The following DCBLD2 variants were observed in gnomAD, a reference collection of about 807,000 sequenced individuals.
The protein encoded by DCBLD2 is discoidin, CUB and LCCL domain-containing protein 2.
DCBLD2 carries 54 observed loss-of-function variants against 86.8 expected under a neutral mutation model. The ratio of observed to expected loss-of-function variants is 0.62; its 90% confidence interval spans 0.50 to 0.78. The LOEUF is 0.78. Ranked by LOEUF, DCBLD2 falls within the 30% of genes least tolerant of loss-of-function variation. The pLI, the probability that DCBLD2 is intolerant of heterozygous loss-of-function variation, is 0.00. For synonymous variants in DCBLD2, 354 were observed against 341.3 expected (o/e 1.04, Z -0.41); for missense variants, 908 against 954.2 (o/e 0.95, Z 0.64).
chr3:98,807,215 A>T (rs923046062), intron 13 of DCBLD2, among the ~76,000 whole-genome samples: 2 of 152,172 alleles, frequency 1.3e-5, no homozygotes, highest in Non-Finnish European at 2.9e-5. Flanking sequence ...CCTACATTCC[A>T]TATCTCTGTG....
chr3:98,817,911 G>A lies in DCBLD2; in HGVS notation c.1088-18C>T. 3.1e-6 allele frequency: 5 copies of A among 1,610,918 alleles called. No homozygotes were observed. The highest frequency in any genetic ancestry group is 4.2e-6 in the Non-Finnish European group (5 of 1,178,126). Reference sequence around the variant, plus strand: ...TATAATGCCTGGGGAATGAAGAGTTGCTTTCATTAATGCACATGGTCTGAT... The same window carrying A: ...TATAATGCCTGGGGAATGAAGAGTTACTTTCATTAATGCACATGGTCTGAT... On this transcript the variant is annotated intron_variant, in intron 8 of 15. Transcript: ENST00000326840.
intron 13 of DCBLD2, 150 bp from the exon 14 acceptor site, chr3:98,801,799 T>C: frequency 1.8e-6 from 1 of 546,048 alleles, no homozygotes; most frequent in South Asian, 2.8e-5. Flanking sequence ...AGTGAGAACA[T>C]GCGGTGTTTG....
chr3:98,855,492 CAT>C (rs1441824466), intron 2 of DCBLD2, among the ~76,000 whole-genome samples: 1 of 152,140 alleles, frequency 6.6e-6, no homozygotes, highest in Non-Finnish European at 1.5e-5. Flanking sequence ...ACATCTTCAA[CAT>C]AAAAAAGTGT....
Position 98,797,965 on chromosome 3 carries a change from T to G in DCBLD2, c.*1407A>C, listed in dbSNP as rs1941644380. 6.6e-6 allele frequency: 1 copy of G among 152,236 alleles called. No homozygotes were observed. Among genetic ancestry groups the G allele is most frequent in the African/African-American group, 2.4e-5 (1 of 41,468 alleles). 9.4% of individuals were successfully genotyped at this position (152,236 alleles called of 1,614,324 possible). ...TTTATCATATGGTGAGCTGCTCATGTCGTCTTGACAGTCTGAAGGCTTTAA... is the reference window on the plus strand; with the variant it reads ...TTTATCATATGGTGAGCTGCTCATGGCGTCTTGACAGTCTGAAGGCTTTAA... On this transcript the variant is annotated 3_prime_UTR_variant, in exon 16 of 16. Transcript: ENST00000326840.
intron 14 of DCBLD2, among the ~76,000 whole-genome samples, chr3:98,801,136 C>G (rs1941710667): frequency 6.6e-6 from 1 of 152,124 alleles, no homozygotes; most frequent in Non-Finnish European, 1.5e-5. Context: ...GTAGGGGGGC[C>G]CCTTTGGTGT....
intron 3 of DCBLD2, among the ~76,000 whole-genome samples, chr3:98,828,303 A>G (rs1307536607): frequency 2.0e-5 from 3 of 152,230 alleles, no homozygotes; most frequent in East Asian, 1.9e-4. Context: ...CACAAATGAT[A>G]TATCAATGAA....
chr3:98,855,050 T>C (rs897577764), intron 2 of DCBLD2, among the ~76,000 whole-genome samples: 3 of 151,754 alleles, frequency 2.0e-5, no homozygotes, highest in Admixed American at 6.6e-5. Context: ...AGTAAGGGAG[T>C]AAAATGGCAG....
At chr3:98,819,084 A>G in intron 8 of DCBLD2, 118 bp downstream of exon 8, 1 of 1,005,856 alleles carries the variant, frequency 9.9e-7, no homozygotes, top group East Asian at 2.6e-5. Flanking sequence ...TGAAGAAAAT[A>G]TAAAACCATA....
chr3:98,856,740 T>A (rs1045342919), intron 2 of DCBLD2, among the ~76,000 whole-genome samples: 9 of 151,148 alleles, frequency 6.0e-5, no homozygotes, highest in Non-Finnish European at 1.3e-4. Flanking sequence ...GAAAGAAATA[T>A]AAGAAAAAGA....
intron 1 of DCBLD2, 71 bp from the exon 2 acceptor site, chr3:98,881,838 G>T: frequency 1.4e-6 from 2 of 1,470,084 alleles, no homozygotes; most frequent in Non-Finnish European, 1.9e-6. Context: ...ATTTTTTTGT[G>T]AAGATTTAAA....
rs879830814 is a variant in DCBLD2, at chr3:98,863,991, G to GAACTCA, written c.434-14399_434-14394dup. Among the ~76,000 whole-genome samples, 45 of 152,204 alleles carry GAACTCA rather than the reference G, an allele frequency of 3.0e-4. No homozygotes were observed. In the East Asian group the frequency reaches 8.5e-3, roughly 29 times the overall value. ...AGGGCTAATATTGAGAATCTACAAAGAACTCAAACAAATTTACAAGAAAAA... is the reference window on the plus strand; with the variant it reads ...AGGGCTAATATTGAGAATCTACAAAGAACTCAAACTCAAACAAATTTACAAGAAAAA... On this transcript the variant is annotated intron_variant, in intron 2 of 15. Transcript: ENST00000326840.
Position 98,800,643 on chromosome 3 carries a change from G to T in DCBLD2, c.1794C>A (p.Ser598Arg). 6.2e-7 allele frequency: 1 copy of T among 1,613,942 alleles called. No homozygotes were observed. The highest frequency in any genetic ancestry group is 8.5e-7 in the Non-Finnish European group (1 of 1,179,866). ...GACTCAGGTGATTAACTTCGCTGCT[G>T]CTATAGCGAACTGGGGTTTCCTCAT... ...VDHEETPVRYSSSEVNHLSPR... is the reference protein window; with the variant it reads ...VDHEETPVRYRSSEVNHLSPR... The change falls in exon 15 of 16, where the codon AGC becomes AGA. Residue 598 changes from serine (S) to arginine (R), a missense_variant. Coordinates refer to ENST00000326840, the MANE Select transcript of DCBLD2 (RefSeq NM_080927.4).
intron 2 of DCBLD2, among the ~76,000 whole-genome samples, chr3:98,850,022 T>C (rs559351052): frequency 2.6e-5 from 4 of 152,322 alleles, no homozygotes; most frequent in South Asian, 4.1e-4. Flanking sequence ...CAAGCCTTTT[T>C]TTGGACCTAC....
chr3:98,862,206 G>A (rs933546870), intron 2 of DCBLD2, among the ~76,000 whole-genome samples: 3 of 152,112 alleles, frequency 2.0e-5, no homozygotes, highest in Non-Finnish European at 2.9e-5. Context: ...ACCAATAACA[G>A]GCTCTGAAAT....
intron 3 of DCBLD2, among the ~76,000 whole-genome samples, chr3:98,831,906 T>G (rs1227996998): frequency 6.6e-6 from 1 of 152,214 alleles, no homozygotes; most frequent in African/African-American, 2.4e-5. Context: ...ATCAGAAGAA[T>G]GTATTTTCTA....
intron 1 of DCBLD2, chr3:98,900,680 A>C: frequency 5.2e-6 from 1 of 192,054 alleles, no homozygotes; most frequent in East Asian, 1.6e-4. Context: ...TCGCTTCAGA[A>C]CCCGGGCTCT....
intron 13 of DCBLD2, among the ~76,000 whole-genome samples, chr3:98,805,512 A>G (rs1941821079): frequency 6.6e-6 from 1 of 152,190 alleles, no homozygotes; most frequent in Non-Finnish European, 1.5e-5. Flanking sequence ...TTACTTATTC[A>G]TTACGTATAA....
chr3:98,829,887 C>T (rs1419519351), intron 3 of DCBLD2, among the ~76,000 whole-genome samples: 1 of 152,180 alleles, frequency 6.6e-6, no homozygotes, highest in African/African-American at 2.4e-5. Context: ...CCCTTTTCTC[C>T]ATAACCTCAT....
chr3:98,862,285 G>A (rs1265771515), intron 2 of DCBLD2, among the ~76,000 whole-genome samples: 1 of 152,142 alleles, frequency 6.6e-6, no homozygotes, highest in Non-Finnish European at 1.5e-5. Context: ...AATTCTACCA[G>A]AGGTACAAGG....
Sources: allele counts gnomAD v4.1 joint callset (sites outside exome capture counted in the v4.1 genomes callset), GRCh38; gene constraint gnomAD v4.1.1; transcripts MANE v1.5; gene names NCBI Gene and HGNC (gene_info 2026-07-23, HGNC 2026-07-21).